AUTS2: variants seen among roughly 807,000 people sequenced by gnomAD.
The protein encoded by AUTS2 is activator of transcription and developmental regulator AUTS2.
Under a neutral mutation model 112.4 loss-of-function variants are expected in AUTS2, and 17 were observed. The ratio of observed to expected loss-of-function variants is 0.15; its 90% CI spans 0.10 to 0.23. The LOEUF (loss-of-function observed/expected upper bound fraction) is 0.23, where lower values mean the gene tolerates loss of function less well. Ranked by LOEUF, AUTS2 falls within the 10% of genes least tolerant of loss-of-function variation. AUTS2 has a pLI of 1.00. For missense variants in AUTS2, 1,510 were observed against 1,701.6 expected (o/e 0.89, Z 1.98); for synonymous variants, 751 against 702.7 (o/e 1.07, Z -1.09).
intron 4 of AUTS2, among the ~76,000 whole-genome samples, chr7:70,253,524 C>T (rs977465058): frequency 3.9e-5 from 6 of 152,086 alleles, no homozygotes; most frequent in Admixed American, 1.3e-4. Context: ...TCCCTGAGAA[C>T]TTTGTGTGAG....
intron 5 of AUTS2, among the ~76,000 whole-genome samples, chr7:70,442,522 GCT>G (rs1796160262): frequency 6.6e-6 from 1 of 151,950 alleles, no homozygotes; most frequent in Admixed American, 6.6e-5. Context: ...ATGGAGTCTC[GCT>G]CTGTCACCCA....
chr7:70,128,033 C>G lies in AUTS2; in HGVS notation c.625-6503C>G, dbSNP rs141601130. Among the ~76,000 whole-genome samples, 18 of 152,108 alleles carry G rather than the reference C, an allele frequency of 1.2e-4. No homozygotes were observed. The East Asian group carries it at 3.5e-3, about 29-fold the overall frequency. Reference sequence around the variant, plus strand: ...TTAAGGAGGAAACAGACTTGAGCCACTACCATGAATGAGCTTCCCACATTG... The same window carrying G: ...TTAAGGAGGAAACAGACTTGAGCCAGTACCATGAATGAGCTTCCCACATTG... On this transcript the variant is annotated intron_variant, in intron 3 of 18. Coordinates refer to ENST00000342771, the MANE Select transcript of AUTS2 (RefSeq NM_015570.4).
intron 2 of AUTS2, among the ~76,000 whole-genome samples, chr7:70,035,300 G>A (rs975254633): frequency 2.6e-5 from 4 of 152,106 alleles, no homozygotes; most frequent in Admixed American, 2.6e-4. Context: ...GCCTCTCTAA[G>A]TTTCCACTTC....
chr7:70,076,202 A>G (rs967834587), intron 2 of AUTS2, among the ~76,000 whole-genome samples: 5 of 152,068 alleles, frequency 3.3e-5, no homozygotes, highest in Admixed American at 3.3e-4. Flanking sequence ...AAGACGTTTT[A>G]TTTTCTTTGC....
intron 2 of AUTS2, among the ~76,000 whole-genome samples, chr7:70,017,719 GA>G (rs1563042538): frequency 6.6e-6 from 1 of 152,044 alleles, no homozygotes; most frequent in East Asian, 1.9e-4. Flanking sequence ...CCATCACTGC[GA>G]AATGCTCACA....
At chr7:69,964,378 G>A (rs937134516) in intron 2 of AUTS2, among the ~76,000 whole-genome samples, 14 of 152,174 alleles carry the variant, frequency 9.2e-5, no homozygotes, top group Admixed American at 4.6e-4. Context: ...ACCCATTTGC[G>A]TGCACACTAT....
intron 2 of AUTS2, among the ~76,000 whole-genome samples, chr7:70,013,860 G>C (rs1799911917): frequency 6.6e-6 from 1 of 152,130 alleles, no homozygotes; most frequent in Non-Finnish European, 1.5e-5. Flanking sequence ...TGGGACTACA[G>C]GCACGTATCA....
intron 5 of AUTS2, among the ~76,000 whole-genome samples, chr7:70,619,046 T>C (rs1449900275): frequency 6.6e-6 from 1 of 152,156 alleles, no homozygotes; most frequent in African/African-American, 2.4e-5. Context: ...CACCCTGTTT[T>C]CAAAGCATGG....
intron 1 of AUTS2, among the ~76,000 whole-genome samples, chr7:69,891,058 A>T (rs748793274): frequency 4.6e-5 from 7 of 152,208 alleles, no homozygotes; most frequent in Non-Finnish European, 1.0e-4. Flanking sequence ...ACATGTGTAT[A>T]TACCCATGAA....
chr7:70,008,542 T>G (rs1417201327), intron 2 of AUTS2, among the ~76,000 whole-genome samples: 4 of 152,150 alleles, frequency 2.6e-5, no homozygotes, highest in Non-Finnish European at 5.9e-5. Flanking sequence ...ATTTTATGGA[T>G]AGTAAATTTG....
At chr7:70,758,702 C>T (rs1203579240) in intron 6 of AUTS2, among the ~76,000 whole-genome samples, 1 of 152,182 alleles carries the variant, frequency 6.6e-6, no homozygotes, top group East Asian at 1.9e-4. Context: ...AATTCAGCAA[C>T]TTTCATTCTT....
At chr7:70,300,369 A>G (rs1303322274) in intron 4 of AUTS2, among the ~76,000 whole-genome samples, 4 of 152,176 alleles carry the variant, frequency 2.6e-5, no homozygotes, top group African/African-American at 9.7e-5. Context: ...GCCTAGCTAG[A>G]TATTATATTT....
intron 2 of AUTS2, among the ~76,000 whole-genome samples, chr7:69,991,877 T>C (rs1489657348): frequency 6.6e-6 from 1 of 151,882 alleles, no homozygotes; most frequent in Admixed American, 6.6e-5. Flanking sequence ...TTCTAAGACA[T>C]TTTTTTTGTC....
At chr7:70,560,738 T>C (rs572238582) in intron 5 of AUTS2, among the ~76,000 whole-genome samples, 1 of 152,368 alleles carries the variant, frequency 6.6e-6, no homozygotes, top group African/African-American at 2.4e-5. Context: ...GCTTCACTGC[T>C]AGGTGTCTCC....
chr7:70,009,145 G>A (rs1471867229), intron 2 of AUTS2, among the ~76,000 whole-genome samples: 2 of 152,078 alleles, frequency 1.3e-5, no homozygotes. Context: ...TCATTCCATG[G>A]GAGAAGGTGG....
chr7:70,182,284 C>T (rs570414368), intron 4 of AUTS2, among the ~76,000 whole-genome samples: 11 of 152,312 alleles, frequency 7.2e-5, no homozygotes, highest in African/African-American at 2.6e-4. Flanking sequence ...TGTCATTTCC[C>T]TTTCATGCCT....
intron 5 of AUTS2, among the ~76,000 whole-genome samples, chr7:70,528,092 G>T (rs1297221075): frequency 9.1e-6 from 1 of 109,404 alleles, no homozygotes; most frequent in Non-Finnish European, 1.8e-5. Flanking sequence ...TAAATTTAAG[G>T]ATTTTTTTTT....
At chr7:70,428,432 G>A (rs1795520321) in intron 4 of AUTS2, among the ~76,000 whole-genome samples, 1 of 152,178 alleles carries the variant, frequency 6.6e-6, no homozygotes, top group Non-Finnish European at 1.5e-5. Flanking sequence ...TAAGTGTCAT[G>A]TTTTCTGCAG....
In AUTS2 at chr7:69,599,855, T is replaced by C; in HGVS notation, c.202T>C (p.Ser68Pro). ...TGGGAAGCCCCCGTCCTCCGCCCCG[T>C]CCCGGCCCAGACCCCCGCGGAGGAA... ...DNGKPPSSAPSRPRPPRRKRR... is the reference protein window; with the variant it reads ...DNGKPPSSAPPRPRPPRRKRR... The change falls in exon 1 of 19, where the codon TCC becomes CCC. Residue 68 changes from serine (S) to proline (P), a missense_variant. Transcript: ENST00000342771. The surrounding 1 kb of genome is among the most constrained non-coding windows in gnomAD (Gnocchi z 7.0). 6.2e-7 allele frequency: 1 copy of C among 1,612,948 alleles called. No homozygotes were observed. The highest frequency in any genetic ancestry group is 1.1e-5 in the South Asian group (1 of 91,070).
Sources: gnomAD v4.1 joint callset for allele counts (sites outside exome capture counted in the v4.1 genomes callset) on GRCh38, gnomAD v4.1.1 for gene constraint, Gnocchi (gnomAD v3.1) non-coding constraint, MANE v1.5 for transcripts, NCBI Gene and HGNC (gene_info 2026-07-23, HGNC 2026-07-21) for gene names.